FAM117A: variants seen among roughly 807,000 people sequenced by gnomAD.
FAM117A encodes the protein protein FAM117A.
A neutral mutation model predicts 44.1 loss-of-function variants in FAM117A; 21 were observed. The ratio of observed to expected loss-of-function variants is 0.48; its 90% CI spans 0.34 to 0.69. The LOEUF (loss-of-function observed/expected upper bound fraction) is 0.69. Among genes scored for constraint, FAM117A ranks in the 30% least tolerant of loss-of-function variants. The pLI is 0.01. For synonymous variants in FAM117A, 220 were observed against 238.3 expected (o/e 0.92, Z 0.71); for missense variants, 498 against 589.9 (o/e 0.84, Z 1.61).
chr17:49,719,689 T>C (rs2073524036), intron 5 of FAM117A, 71 bp downstream of exon 5: 1 of 1,471,518 alleles, frequency 6.8e-7, no homozygotes, highest in Non-Finnish European at 9.0e-7. Context: ...AGAGCAGGAC[T>C]CCCAGTTCCC....
chr17:49,776,013 A>G (rs2073774610), intron 1 of FAM117A, among the ~76,000 whole-genome samples: 1 of 152,144 alleles, frequency 6.6e-6, no homozygotes, highest in Non-Finnish European at 1.5e-5. Flanking sequence ...TCGGAATGCC[A>G]AAAAAGCACC....
intron 3 of FAM117A, 104 bp from the exon 4 acceptor site, chr17:49,720,540 A>G (rs1025519332): frequency 2.3e-4 from 178 of 788,706 alleles, no homozygotes; most frequent in East Asian, 3.7e-4. Context: ...ATGAAGATAT[A>G]TACAAGGAGG....
chr17:49,786,683 A>T (rs2073807390), intron 1 of FAM117A, among the ~76,000 whole-genome samples: 1 of 151,772 alleles, frequency 6.6e-6, no homozygotes, highest in South Asian at 2.1e-4. Flanking sequence ...AGGTTGAGGC[A>T]GGAGAATCGC....
chr17:49,778,372 T>C (rs931893164), intron 1 of FAM117A, among the ~76,000 whole-genome samples: 9 of 151,914 alleles, frequency 5.9e-5, no homozygotes, highest in African/African-American at 1.7e-4. Context: ...CACAGTCTGT[T>C]TTTTAAAAAA....
At chr17:49,782,199 C>T (rs1333763983) in intron 1 of FAM117A, among the ~76,000 whole-genome samples, 1 of 151,404 alleles carries the variant, frequency 6.6e-6, no homozygotes, top group Non-Finnish European at 1.5e-5. Flanking sequence ...CACAATGAAA[C>T]CCCGTCTCTA....
intron 2 of FAM117A, among the ~76,000 whole-genome samples, chr17:49,725,775 C>T (rs892074233): frequency 2.0e-5 from 3 of 152,158 alleles, no homozygotes; most frequent in Non-Finnish European, 2.9e-5. Context: ...TGTATAGTAA[C>T]GTTTTTGCAG....
At chr17:49,768,143 C>G (rs2073750669), upstream of FAM117A, among the ~76,000 whole-genome samples, 1 of 152,104 alleles carries the variant, frequency 6.6e-6, no homozygotes, top group Non-Finnish European at 1.5e-5. Context: ...GGTTTCAAGT[C>G]TTAAAAGCTG....
intron 3 of FAM117A, among the ~76,000 whole-genome samples, chr17:49,721,885 T>C (rs1281456316): frequency 6.6e-6 from 1 of 151,542 alleles, no homozygotes; most frequent in Non-Finnish European, 1.5e-5. Flanking sequence ...AGGTCAGGAG[T>C]TCAGGACCAC....
At chr17:49,741,518 C>G (rs992660002) in intron 1 of FAM117A, among the ~76,000 whole-genome samples, 1 of 152,124 alleles carries the variant, frequency 6.6e-6, no homozygotes, top group South Asian at 2.1e-4. Flanking sequence ...TTTCTACAAC[C>G]TGTTTTTTTT....
chr17:49,710,750 G>A lies in FAM117A; in HGVS notation c.*505C>T, dbSNP rs1303022686. 6.5e-6 allele frequency: 1 copy of A among 153,100 alleles called. No individual in the cohort carries two copies. Among genetic ancestry groups the A allele is most frequent in the African/African-American group, 2.4e-5 (1 of 41,460 alleles). The allele number at this position is 153,100 out of a possible 1,614,324, so 9.5% of individuals were successfully genotyped here. On this transcript the variant is annotated 3_prime_UTR_variant, in exon 8 of 8. Coordinates refer to ENST00000240364, the MANE Select transcript of FAM117A (RefSeq NM_030802.4). ...TCCTCCCTCTGCCAGCAGCTGAATT[G>A]GTCAAGTGTTATGGCCCGTTAGGGC...
chr17:49,715,030 G>GA (rs1202079527), intron 7 of FAM117A, among the ~76,000 whole-genome samples: 1 of 152,088 alleles, frequency 6.6e-6, no homozygotes, highest in Non-Finnish European at 1.5e-5. Flanking sequence ...CTGAGTCTAT[G>GA]AAAAAATCAA....
In FAM117A at chr17:49,764,058, G is replaced by A; in HGVS notation, c.30C>T (p.Gly10=). Residue 10 remains glycine, a synonymous_variant, in exon 1 of 8, where the codon GGC becomes GGT. Transcript: ENST00000240364. ...CGCGCCCCGGCCCCCAGGCACCTCC[G>A]CCTCTGCCGCCCGCTGCGGCCCCCG... MAGAAAGGR[G]GGAWGPGRGG... 1.0e-6 allele frequency: 1 copy of A among 1,001,054 alleles called. No homozygotes were observed. The highest frequency in any genetic ancestry group is 1.2e-6 in the Non-Finnish European group (1 of 813,646). 62.0% of individuals were successfully genotyped at this position (1,001,054 alleles called of 1,614,324 possible). A position where few individuals can be genotyped will look rare whatever the true frequency, so the allele number is the denominator to read the frequency against.
At chr17:49,739,168 T>C (rs541072463) in intron 1 of FAM117A, among the ~76,000 whole-genome samples, 2 of 152,322 alleles carry the variant, frequency 1.3e-5, no homozygotes, top group South Asian at 4.1e-4. Flanking sequence ...AAATACACTT[T>C]AAAGCCTTAG....
intron 7 of FAM117A, among the ~76,000 whole-genome samples, chr17:49,714,502 T>C (rs1290244424): frequency 2.6e-5 from 4 of 151,902 alleles, no homozygotes; most frequent in African/African-American, 9.7e-5. Flanking sequence ...CACACCCGGC[T>C]ACTTTTTGTA....
At chr17:49,772,423 T>C (rs972260602) in intron 1 of FAM117A, among the ~76,000 whole-genome samples, 3 of 151,658 alleles carry the variant, frequency 2.0e-5, no homozygotes, top group Admixed American at 6.6e-5. Flanking sequence ...CTGGCCAACA[T>C]AGTGAAACCC....
intron 3 of FAM117A, among the ~76,000 whole-genome samples, chr17:49,722,140 T>C (rs565928926): frequency 6.6e-6 from 1 of 152,076 alleles, no homozygotes; most frequent in Non-Finnish European, 1.5e-5. Flanking sequence ...AGTTAAGAAG[T>C]AAATGAGGCT....
At chr17:49,733,320 G>A (rs149752016) in intron 1 of FAM117A, among the ~76,000 whole-genome samples, 3 of 152,290 alleles carry the variant, frequency 2.0e-5, no homozygotes, top group Admixed American at 6.5e-5. Flanking sequence ...AAACATCCAA[G>A]TTTTTTGGTT....
At chr17:49,787,762 C>G (rs1241602052) in intron 1 of FAM117A, among the ~76,000 whole-genome samples, 3 of 152,158 alleles carry the variant, frequency 2.0e-5, no homozygotes, top group African/African-American at 7.2e-5. Flanking sequence ...TATCTGTGAC[C>G]AACTTCTCCT....
At chr17:49,720,677 C>T (rs542556952) in intron 3 of FAM117A, among the ~76,000 whole-genome samples, 9 of 152,126 alleles carry the variant, frequency 5.9e-5, no homozygotes, top group Non-Finnish European at 1.3e-4. Context: ...AAATATACAA[C>T]ATGGAAACCA....
Sources: allele counts gnomAD v4.1 joint callset (sites outside exome capture counted in the v4.1 genomes callset), GRCh38; gene constraint gnomAD v4.1.1; transcripts MANE v1.5; gene names NCBI Gene and HGNC (gene_info 2026-07-23, HGNC 2026-07-21).